The following ANKRD6 variants were observed in gnomAD, a reference collection of about 807,000 sequenced individuals.
The protein encoded by ANKRD6 is ankyrin repeat domain 6.
In ANKRD6, 56 loss-of-function variants were observed where a neutral mutation model predicts 82.3. The observed-to-expected ratio is 0.68, with a 90% CI of 0.55 to 0.85. The LOEUF (loss-of-function observed/expected upper bound fraction) is 0.85, where lower values mean the gene tolerates loss of function less well. ANKRD6 is among the 40% of genes least tolerant of loss of function. The probability of loss-of-function intolerance (pLI) is 0.00; values close to 1 mark genes in which losing one functional copy is unlikely to be tolerated. For synonymous variants in ANKRD6, 347 were observed against 352.1 expected, an observed-to-expected ratio of 0.99 and a Z score of 0.16; for missense variants, 852 against 907.6, an observed-to-expected ratio of 0.94 and a Z score of 0.79.
chr6:89,435,089 T>C (rs368628397), intron 1 of ANKRD6, among the ~76,000 whole-genome samples: 1 of 152,174 alleles, frequency 6.6e-6, no homozygotes, highest in African/African-American at 2.4e-5. Flanking sequence ...GATAAGCATA[T>C]GCTCCATGTA....
At chr6:89,513,897 T>C (rs1780879185) in intron 1 of ANKRD6, among the ~76,000 whole-genome samples, 2 of 152,256 alleles carry the variant, frequency 1.3e-5, no homozygotes, top group Non-Finnish European at 2.9e-5. Flanking sequence ...AGATAAATTT[T>C]TTAATGTATA....
intron 8 of ANKRD6, chr6:89,617,045 C>G (rs891797696): frequency 4.8e-6 from 2 of 412,590 alleles, no homozygotes; most frequent in Non-Finnish European, 9.8e-6. Context: ...TAAAGCAACT[C>G]CTTTCTCTTC....
At chr6:89,558,981 G>T (rs1032600240) in intron 1 of ANKRD6, among the ~76,000 whole-genome samples, 1 of 152,174 alleles carries the variant, frequency 6.6e-6, no homozygotes, top group African/African-American at 2.4e-5. Context: ...AGAGAAAGCC[G>T]TGCATATACA....
At chr6:89,610,279 T>A (rs1221220413) in intron 5 of ANKRD6, among the ~76,000 whole-genome samples, 1 of 152,224 alleles carries the variant, frequency 6.6e-6, no homozygotes, top group South Asian at 2.1e-4. Flanking sequence ...CCAGTCACCC[T>A]CTCCCAGCCC....
chr6:89,511,179 C>T (rs1780504996), intron 1 of ANKRD6, among the ~76,000 whole-genome samples: 2 of 152,348 alleles, frequency 1.3e-5, no homozygotes, highest in Middle Eastern at 3.4e-3. Context: ...CCTCCGTAGA[C>T]TCTTCCCAAA....
chr6:89,629,481 G>T, intron 15 of ANKRD6: 1 of 530,784 alleles, frequency 1.9e-6, no homozygotes, highest in Non-Finnish European at 3.5e-6. Flanking sequence ...ATTGTTGACT[G>T]GTGATAACAT....
At chr6:89,498,394 G>T (rs1377870094) in intron 1 of ANKRD6, among the ~76,000 whole-genome samples, 5 of 152,016 alleles carry the variant, frequency 3.3e-5, no homozygotes, top group African/African-American at 4.8e-5. Context: ...TATGTTTAAG[G>T]CACTACCTAT....
intron 1 of ANKRD6, among the ~76,000 whole-genome samples, chr6:89,449,623 AC>A (rs1772557979): frequency 2.6e-5 from 4 of 152,220 alleles, no homozygotes. Flanking sequence ...TCAAAAGCAT[AC>A]CTGCCCAGTA....
chr6:89,623,738 G>A, intron 11 of ANKRD6, 134 bp from the exon 12 acceptor site: 1 of 1,247,756 alleles, frequency 8.0e-7, no homozygotes, highest in Non-Finnish European at 1.1e-6. Context: ...GACATGTGTG[G>A]CTTGGAGTAG....
At chr6:89,602,457 T>G (rs1311993890) in intron 3 of ANKRD6, 1 of 152,326 alleles carries the variant, frequency 6.6e-6, no homozygotes, top group East Asian at 1.9e-4. Flanking sequence ...CTGAAGAGGC[T>G]TCTTAGAAAT....
At chr6:89,489,147 C>T (rs992505177) in intron 1 of ANKRD6, among the ~76,000 whole-genome samples, 4 of 152,116 alleles carry the variant, frequency 2.6e-5, no homozygotes, top group African/African-American at 9.7e-5. Flanking sequence ...GTCTCAGTGC[C>T]ACAGGGCTGG....
rs1157731841 is a variant in ANKRD6, at chr6:89,447,861, T to TTTTTTTTTTTTTTTC, written c.-144+14490_-144+14491insTTTTTTTTTTCTTTT. ...TGCCACCACGCCCAGCTAATTTTTT[T>TTTTTTTTTTTTTTTC]TTTTCAGTAGAGATGGGGTTTCTCC... On this transcript the variant is annotated intron_variant, in intron 1 of 15. Coordinates refer to ENST00000339746, the MANE Select transcript of ANKRD6 (RefSeq NM_001242809.2). Among the ~76,000 whole-genome samples the TTTTTTTTTTTTTTTC allele has an allele frequency of 3.3e-3, 485 of 148,076 alleles. 11 individuals are homozygous for TTTTTTTTTTTTTTTC. The highest frequency in any genetic ancestry group is 0.011 in the African/African-American group (444 of 39,698).
At position 89,612,361 on chromosome 6, in the gene ANKRD6, CA is replaced by C; in HGVS notation, c.512del (p.Asn171IlefsTer47). The C allele has an allele frequency of 6.4e-7, 1 of 1,554,720 alleles. No homozygotes were observed. The highest frequency in any genetic ancestry group is 1.2e-5 in the South Asian group (1 of 84,112). On this transcript the variant is annotated frameshift_variant, in exon 6 of 16. Coordinates refer to ENST00000339746, the MANE Select transcript of ANKRD6 (RefSeq NM_001242809.2). LOFTEE classifies it high-confidence loss of function. ...TGCTGGCCGGGTCCCGCGCTGACCT[CA>C]AAAATAATGTGGGTGAACAAAACCA... ...LLLAGSRADLKNNAGDTCLHV... is the reference protein window; with the variant it reads ...LLLAGSRADLXNNAGDTCLHV...
chr6:89,626,783 A>C (rs1805828461), intron 13 of ANKRD6, among the ~76,000 whole-genome samples: 1 of 152,204 alleles, frequency 6.6e-6, no homozygotes, highest in Non-Finnish European at 1.5e-5. Context: ...GATGAAGGGT[A>C]CTCCAGAAGG....
chr6:89,627,765 C>T, intron 14 of ANKRD6, 69 bp downstream of exon 14: 1 of 1,443,256 alleles, frequency 6.9e-7, no homozygotes, highest in Non-Finnish European at 9.6e-7. Flanking sequence ...TCAGGCAGGC[C>T]TGCCACTGAA....
intron 9 of ANKRD6, among the ~76,000 whole-genome samples, chr6:89,618,894 A>G (rs962715222): frequency 1.3e-5 from 2 of 152,210 alleles, no homozygotes; most frequent in African/African-American, 2.4e-5. Flanking sequence ...GATTGGCACT[A>G]TTCTGTATTA....
chr6:89,441,066 G>T (rs992163106), intron 1 of ANKRD6, among the ~76,000 whole-genome samples: 1 of 152,052 alleles, frequency 6.6e-6, no homozygotes, highest in African/African-American at 2.4e-5. Context: ...TAATAACTCT[G>T]TTCCTAGTTA....
intron 9 of ANKRD6, 105 bp from the exon 10 acceptor site, chr6:89,621,817 T>G: frequency 9.0e-7 from 1 of 1,109,744 alleles, no homozygotes; most frequent in East Asian, 2.6e-5. Context: ...TCTCACCCTC[T>G]AAGCTGTAAA....
At chr6:89,472,905 T>A (rs914596934) in intron 1 of ANKRD6, among the ~76,000 whole-genome samples, 14 of 152,208 alleles carry the variant, frequency 9.2e-5, no homozygotes, top group African/African-American at 3.4e-4. Context: ...TCACTGTCCT[T>A]GCTCTGTGTT....
Sources: allele counts gnomAD v4.1 joint callset (sites outside exome capture counted in the v4.1 genomes callset), GRCh38; gene constraint gnomAD v4.1.1; transcripts MANE v1.5; gene names NCBI Gene and HGNC (gene_info 2026-07-23, HGNC 2026-07-21).